The following ZNF488 variants were observed in gnomAD, a reference collection of about 807,000 sequenced individuals.
ZNF488 encodes zinc finger protein 488.
In ZNF488, 1 loss-of-function variant was observed where a neutral mutation model predicts 1.2. The ratio of observed to expected loss-of-function variants is 0.86; its 90% CI spans 0.30 to 4.07. The LOEUF is 4.07. ZNF488 is among the 30% of genes most tolerant of loss of function. The pLI is 0.18. For synonymous variants in ZNF488, 185 were observed against 190.1 expected (o/e 0.97, Z 0.22); for missense variants, 450 against 437.9 (o/e 1.03, Z -0.25).
intron 1 of ZNF488, among the ~76,000 whole-genome samples, chr10:47,373,763 C>T (rs1208903871): frequency 3.3e-5 from 5 of 152,224 alleles, no homozygotes; most frequent in African/African-American, 7.2e-5. Flanking sequence ...ATAGACGGAA[C>T]ATCACTCTCC....
At chr10:47,372,158 G>A (rs1555213906) in intron 1 of ZNF488, among the ~76,000 whole-genome samples, 10 of 152,208 alleles carry the variant, frequency 6.6e-5, no homozygotes. Flanking sequence ...TCTCAACACT[G>A]ACTGAATTCT....
At chr10:47,376,024 C>T (rs1485998976) in intron 1 of ZNF488, among the ~76,000 whole-genome samples, 6 of 152,224 alleles carry the variant, frequency 3.9e-5, no homozygotes, top group Admixed American at 3.3e-4. Context: ...CAGGGACCCA[C>T]ACCATATCTC....
chr10:47,369,238 T>A (rs1478391709), intron 1 of ZNF488, among the ~76,000 whole-genome samples: 1 of 152,200 alleles, frequency 6.6e-6, no homozygotes, highest in Non-Finnish European at 1.5e-5. Flanking sequence ...TTCCTGGGGA[T>A]TAACCAGGCA....
Position 47,368,222 on chromosome 10 carries a change from C to T in ZNF488, c.608G>A (p.Cys203Tyr). The T allele has an allele frequency of 1.2e-6, 2 of 1,614,232 alleles. No individual in the cohort carries two copies. The highest frequency in any genetic ancestry group is 2.2e-5 in the East Asian group (1 of 44,872). Residue 203 changes from cysteine to tyrosine, a missense_variant, in exon 2 of 2, where the codon TGT becomes TAT. By Grantham distance (194) the Cys-to-Tyr change is radical (BLOSUM62 -2). Transcript: ENST00000585316. ...SGLLNTTDLA[C>Y]WGRLSTPKLL... ...CTTGGGAGTTGAAAGTCGACCCCAA[C>T]AAGCGAGGTCTGTAGTGTTGAGGAG...
rs897627901 is a variant in ZNF488 at position 47,366,776 on chromosome 10, C to T, written c.*1031G>A. 2.4e-5 allele frequency: 4 copies of T among 167,080 alleles called. No homozygotes were observed. Among genetic ancestry groups the T allele is most frequent in the Admixed American group, 6.5e-5 (1 of 15,280 alleles). 10.3% of individuals were successfully genotyped at this position (167,080 alleles called of 1,614,324 possible). ...ACGATCTGGAAGCCTAGTTTTTGCA[C>T]ATGTCCTATTCTTGGAAGGTAAAAC... On this transcript the variant is annotated 3_prime_UTR_variant, in exon 2 of 2. Coordinates refer to ENST00000585316, the MANE Select transcript of ZNF488 (RefSeq NM_153034.4).
In ZNF488 at chr10:47,368,512, C is replaced by T. The variant is rs35026630; in HGVS notation, c.318G>A (p.Pro106=). 403 of 1,613,660 alleles carry T rather than the reference C, an allele frequency of 2.5e-4. 2 individuals carry two copies. The highest frequency in any genetic ancestry group is 1.3e-4 in the Admixed American group (8 of 59,996). The change falls in exon 2 of 2, where the codon CCG becomes CCA. Residue 106 remains proline, a synonymous_variant. Transcript: ENST00000585316. The stretch of plus-strand genomic sequence containing the variant: ...CATCCACCTGCCGGTCCTTCATCCT[C>T]GGCAGCTCCGTGAAGGCGCTCTGCC... ...EQRQSAFTEL[P]RMKDRQVDAQ...
At chr10:47,372,649 T>C (rs572178009) in intron 1 of ZNF488, among the ~76,000 whole-genome samples, 139 of 152,344 alleles carry the variant, frequency 9.1e-4, no homozygotes, top group African/African-American at 3.3e-3. Flanking sequence ...CCTCCAGGGC[T>C]CTCTGTCATG....
Position 47,368,652 on chromosome 10 carries a change from C to T in ZNF488, c.178G>A (p.Ala60Thr), listed in dbSNP as rs868980588. The change falls in exon 2 of 2, where the codon GCT becomes ACT. Residue 60 changes from alanine (A) to threonine (T), a missense_variant. By Grantham distance (58) the Ala-to-Thr change is moderately conservative. Coordinates refer to ENST00000585316, the MANE Select transcript of ZNF488 (RefSeq NM_153034.4). The part of the protein sequence containing the change: ...LEKTNRLGPE[A>T]AVGRAGRDVG... ...TCCCGGCCCGCCCTGCCCACAGCAG[C>T]CTCAGGGCCCAGGCGGTTCGTCTTC... The T allele has an allele frequency of 1.9e-6, 3 of 1,611,430 alleles. No homozygotes were observed. The African/African-American group carries it at 4.0e-5, about 22-fold the overall frequency.
At position 47,368,640 on chromosome 10, in the gene ZNF488, T is replaced by A. The variant is rs782113325; in HGVS notation, c.190A>T (p.Arg64Trp). The A allele has an allele frequency of 1.6e-5, 26 of 1,610,868 alleles. No individual in the cohort carries two copies. The highest frequency in any genetic ancestry group is 2.0e-5 in the Non-Finnish European group (24 of 1,179,846). ...GCACTGCCCACATCCCGGCCCGCCC[T>A]GCCCACAGCAGCCTCAGGGCCCAGG... is the stretch of plus-strand genomic sequence containing the variant. The part of the protein sequence containing the change: ...NRLGPEAAVG[R>W]AGRDVGSAEL... The change falls in exon 2 of 2, where the codon AGG becomes TGG. Residue 64 changes from arginine (R) to tryptophan (W), a missense_variant. Physicochemically the swap from Arg to Trp is moderately radical, Grantham distance 101. Transcript: ENST00000585316.
chr10:47,380,230 C>T (rs1555215056), intron 1 of ZNF488, among the ~76,000 whole-genome samples: 2 of 152,274 alleles, frequency 1.3e-5, no homozygotes, highest in African/African-American at 2.4e-5. Flanking sequence ...TTCTCCTTGG[C>T]TCTTGTCCCT....
At chr10:47,380,761 G>A (rs1369456742) in intron 1 of ZNF488, among the ~76,000 whole-genome samples, 1 of 17,000 alleles carries the variant, frequency 5.9e-5, no homozygotes, top group Non-Finnish European at 1.6e-4. Context: ...ACGGTTGGAG[G>A]CCAGCTCTGC....
Position 47,368,523 on chromosome 10 carries a change from T to C in ZNF488, c.307A>G (p.Thr103Ala). Residue 103 changes from threonine to alanine, a missense_variant, in exon 2 of 2, where the codon ACG (threonine) becomes GCG (alanine). Physicochemically the swap from Thr to Ala is moderately conservative, Grantham distance 58. Coordinates refer to ENST00000585316, the MANE Select transcript of ZNF488 (RefSeq NM_153034.4). The part of the protein sequence containing the change: ...TRGEQRQSAF[T>A]ELPRMKDRQV... The stretch of plus-strand genomic sequence containing the variant: ...CGGTCCTTCATCCTCGGCAGCTCCG[T>C]GAAGGCGCTCTGCCTCTGCTCTCCA... 1 of 1,613,724 alleles carries C rather than the reference T, an allele frequency of 6.2e-7. No homozygotes were observed. Among genetic ancestry groups the C allele is most frequent in the Non-Finnish European group, 8.5e-7 (1 of 1,179,972 alleles).
intron 1 of ZNF488, among the ~76,000 whole-genome samples, chr10:47,377,594 A>T (rs1298644549): frequency 1.5e-5 from 2 of 136,960 alleles, no homozygotes; most frequent in Non-Finnish European, 3.1e-5. Context: ...GCCGGCAATA[A>T]CAATCTCACA....
At chr10:47,370,709 G>A (rs140600467) in intron 1 of ZNF488, among the ~76,000 whole-genome samples, 1,983 of 152,314 alleles carry the variant, frequency 0.013, 26 homozygotes, top group Middle Eastern at 0.044. Context: ...GCAAGACGAA[G>A]CACTGTGCAG....
In ZNF488 at chr10:47,370,963, C is replaced by T. The variant is rs781871779; in HGVS notation, c.-108-2026G>A. ...CAGCATGCGGGCCCTGTGCGAGGCG[C>T]GGTAGTGACAGTGGTGATGAGGCAG... On this transcript the variant is annotated intron_variant, in intron 1 of 1. Coordinates refer to ENST00000585316, the MANE Select transcript of ZNF488 (RefSeq NM_153034.4). Among the ~76,000 whole-genome samples, 50 of 152,146 alleles carry T rather than the reference C, an allele frequency of 3.3e-4. 1 individual carries two copies. Among genetic ancestry groups the T allele is most frequent in the Non-Finnish European group, 1.8e-4 (12 of 68,038 alleles).
chr10:47,368,806 T>G lies in ZNF488; in HGVS notation c.24A>C (p.Leu8Phe). 1 of 1,597,228 alleles carries G rather than the reference T, an allele frequency of 6.3e-7. No homozygotes were observed. Residue 8 changes from leucine to phenylalanine, a missense_variant, in exon 2 of 2, where the codon TTA (leucine) becomes TTC (phenylalanine). Physicochemically the swap from Leu to Phe is conservative, Grantham distance 22. Transcript: ENST00000585316. MPEWPPC[L>F]SVAPALVITM... is the part of the protein sequence containing the mutation. The stretch of plus-strand genomic sequence containing the variant: ...TGATCACCAGGGCCGGGGCCACAGA[T>G]AAGCAAGGTGGCCACTCTGGCATTC...
chr10:47,374,095 G>A (rs185434307), intron 1 of ZNF488, among the ~76,000 whole-genome samples: 20 of 152,336 alleles, frequency 1.3e-4, no homozygotes, highest in Middle Eastern at 3.4e-3. Flanking sequence ...CAACTTCAGT[G>A]TTTCTAGATG....
Position 47,368,240 on chromosome 10 carries a change from T to A in ZNF488, c.590A>T (p.Asn197Ile), listed in dbSNP as rs534357677. Residue 197 changes from asparagine (N) to isoleucine (I), a missense_variant, in exon 2 of 2, where the codon AAC becomes ATC. Coordinates refer to ENST00000585316, the MANE Select transcript of ZNF488 (RefSeq NM_153034.4). Reference sequence around the variant, plus strand: ...ACCCCAACAAGCGAGGTCTGTAGTGTTGAGGAGTCCAGACAGCTCCCCCAG... The same window carrying A: ...ACCCCAACAAGCGAGGTCTGTAGTGATGAGGAGTCCAGACAGCTCCCCCAG... Reference protein sequence around the residue: ...DALGELSGLLNTTDLACWGRL... With the variant: ...DALGELSGLLITTDLACWGRL... 1.9e-6 allele frequency: 3 copies of A among 1,614,198 alleles called. No homozygotes were observed. The East Asian group carries it at 6.7e-5, about 36-fold the overall frequency.
chr10:47,380,976 A>G (rs1837924723), intron 1 of ZNF488, among the ~76,000 whole-genome samples: 2 of 152,266 alleles, frequency 1.3e-5, no homozygotes, highest in Non-Finnish European at 2.9e-5. Flanking sequence ...GACAGAGTCC[A>G]CTCCATGGCA....
Sources: gnomAD v4.1 joint callset for allele counts (sites outside exome capture counted in the v4.1 genomes callset) on GRCh38, gnomAD v4.1.1 for gene constraint, MANE v1.5 for transcripts, NCBI Gene and HGNC (gene_info 2026-07-23, HGNC 2026-07-21) for gene names.